MCFD2: variants seen among roughly 807,000 people sequenced by gnomAD.
MCFD2 encodes multiple coagulation factor deficiency 2, ER cargo receptor complex subunit, also known as multiple coagulation factor deficiency protein 2.
In MCFD2, 11 loss-of-function variants were observed where a neutral mutation model predicts 12.8. That is an observed-to-expected ratio of 0.86 (90% CI 0.54 to 1.42). The LOEUF is 1.42. Ranked by LOEUF, MCFD2 falls within the 40% of genes most tolerant of loss-of-function variation. The pLI is 0.00. For missense variants in MCFD2, 191 were observed against 178.6 expected, an observed-to-expected ratio of 1.07 and a Z score of -0.40; for synonymous variants, 70 against 68.1, an observed-to-expected ratio of 1.03 and a Z score of -0.14.
At chr2:46,935,841 G>C (rs1669949260) in intron 1 of MCFD2, among the ~76,000 whole-genome samples, 1 of 152,046 alleles carries the variant, frequency 6.6e-6, no homozygotes, top group African/African-American at 2.4e-5. Context: ...TATAATCCTA[G>C]AGACTAGGGA....
intron 1 of MCFD2, among the ~76,000 whole-genome samples, chr2:46,927,298 A>G (rs1669436411): frequency 6.6e-6 from 1 of 152,144 alleles, no homozygotes; most frequent in Admixed American, 6.6e-5. Flanking sequence ...AAGCACATTA[A>G]AATAAGTCTG....
Position 46,905,200 on chromosome 2 carries a change from G to T in MCFD2, c.*263C>A. 2.1e-6 allele frequency: 1 copy of T among 468,630 alleles called. No homozygotes were observed. Among genetic ancestry groups the T allele is most frequent in the East Asian group, 4.5e-5 (1 of 22,386 alleles). The allele number at this position is 468,630 out of a possible 1,614,324, so 29.0% of individuals were successfully genotyped here. ...AGTCTCGGGTACGTCTTTATCAGCA[G>T]CATTAATACAGACTAATACAGATGC... On this transcript the variant is annotated 3_prime_UTR_variant, in exon 4 of 4. Coordinates refer to ENST00000319466, the MANE Select transcript of MCFD2 (RefSeq NM_139279.6).
At chr2:46,931,658 C>G (rs145238942) in intron 1 of MCFD2, among the ~76,000 whole-genome samples, 1 of 151,374 alleles carries the variant, frequency 6.6e-6, no homozygotes, top group Non-Finnish European at 1.5e-5. Context: ...TAGAGGCCAG[C>G]TGGTTCTTTG....
At chr2:46,927,234 G>T (rs1669432713) in intron 1 of MCFD2, among the ~76,000 whole-genome samples, 1 of 151,186 alleles carries the variant, frequency 6.6e-6, no homozygotes, top group Non-Finnish European at 1.5e-5. Flanking sequence ...TACAAGATCA[G>T]GATCAAAAAG....
In MCFD2 at chr2:46,940,180, C is replaced by T. The variant is rs1485100724; in HGVS notation, c.-8+1392G>A. On this transcript the variant is annotated intron_variant, in intron 1 of 2. Transcript: ENST00000409147. This position sits in a 1 kb window ranked among gnomAD's most constrained non-coding sequence, Gnocchi z 4.7. The stretch of plus-strand genomic sequence containing the variant: ...TGACATAAAAACCTTCCCTCGGTTA[C>T]AGTTGTCCAAAAACACTTAGGGCAG... Among the ~76,000 whole-genome samples, 4 of 152,096 alleles carry T rather than the reference C, an allele frequency of 2.6e-5. No homozygotes were observed. The highest frequency in any genetic ancestry group is 5.9e-5 in the Non-Finnish European group (4 of 68,026).
chr2:46,911,786 C>T (rs1232982069), intron 1 of MCFD2, among the ~76,000 whole-genome samples: 2 of 151,980 alleles, frequency 1.3e-5, no homozygotes, highest in Non-Finnish European at 2.9e-5. Flanking sequence ...ATTAGCCAGG[C>T]GTGGTGGCGG....
chr2:46,927,262 A>G (rs540005413), intron 1 of MCFD2, among the ~76,000 whole-genome samples: 29 of 152,294 alleles, frequency 1.9e-4, no homozygotes, highest in Non-Finnish European at 7.3e-5. Context: ...AATCCCAAGC[A>G]AAGTTAATGA....
At chr2:46,927,691 C>T (rs946668354) in intron 1 of MCFD2, among the ~76,000 whole-genome samples, 6 of 151,872 alleles carry the variant, frequency 4.0e-5, no homozygotes, top group African/African-American at 9.7e-5. Flanking sequence ...GAGCAACAGA[C>T]GGCTGACTTC....
intron 1 of MCFD2, among the ~76,000 whole-genome samples, chr2:46,928,262 C>T (rs1479422022): frequency 6.6e-6 from 1 of 151,736 alleles, no homozygotes; most frequent in Admixed American, 6.6e-5. Context: ...ACCCATTTAT[C>T]ATCTCACAGT....
chr2:46,908,256 C>A lies in MCFD2; in HGVS notation c.150-287G>T. The A allele has an allele frequency of 4.5e-6, 2 of 447,598 alleles. No homozygotes were observed. The highest frequency in any genetic ancestry group is 4.1e-6 in the Non-Finnish European group (1 of 245,050). 27.7% of individuals were successfully genotyped at this position (447,598 alleles called of 1,614,324 possible). ...CAGGCCATCAATTTAAAAATATGTC[C>A]TTTAAAACTTTTTTTTTTTTTTGAG... On this transcript the variant is annotated intron_variant, in intron 2 of 3. Transcript: ENST00000319466. The surrounding 1 kb of genome is among the most constrained non-coding windows in gnomAD (Gnocchi z 4.5).
intron 1 of MCFD2, among the ~76,000 whole-genome samples, chr2:46,933,111 C>A (rs1374386686): frequency 5.3e-5 from 8 of 152,152 alleles, no homozygotes; most frequent in Admixed American, 3.9e-4. Flanking sequence ...AGAACCAGCA[C>A]TGGGCAAGAT....
chr2:46,909,141 A>AGGG lies in MCFD2; in HGVS notation c.28_30dup (p.Pro10dup). ...AAGGCCCAGAGCAGGCCACACAGGA[A>AGGG]GGGGGTTCTGAGCAGGGATCTCATG... On this transcript the variant is annotated inframe_insertion, in exon 2 of 4. Transcript: ENST00000319466. 1 of 1,614,172 alleles carries AGGG rather than the reference A, an allele frequency of 6.2e-7. No individual in the cohort carries two copies. The highest frequency in any genetic ancestry group is 8.5e-7 in the Non-Finnish European group (1 of 1,180,006).
intron 1 of MCFD2, chr2:46,913,762 G>A (rs1668578663): frequency 6.6e-6 from 1 of 152,636 alleles, no homozygotes; most frequent in East Asian, 1.9e-4. Context: ...ACCATCAGGA[G>A]CAGTGCGCCT....
chr2:46,938,549 AT>A (rs1381198541), intron 1 of MCFD2, among the ~76,000 whole-genome samples: 2 of 152,106 alleles, frequency 1.3e-5, no homozygotes, highest in African/African-American at 2.4e-5. Flanking sequence ...TCTCCTGAGG[AT>A]TTTTTTCCTT....
At chr2:46,926,261 T>C (rs188329783) in intron 1 of MCFD2, among the ~76,000 whole-genome samples, 3 of 152,336 alleles carry the variant, frequency 2.0e-5, no homozygotes, top group African/African-American at 7.2e-5. Flanking sequence ...TTAGTTAATT[T>C]TGGTTTAGTT....
chr2:46,910,972 C>A (rs977674679), intron 1 of MCFD2: 7 of 152,144 alleles, frequency 4.6e-5, no homozygotes, highest in African/African-American at 1.7e-4. Flanking sequence ...CCCAGGAGTT[C>A]AAGGCTGAAG....
intron 1 of MCFD2, among the ~76,000 whole-genome samples, chr2:46,931,802 C>G (rs1390740591): frequency 6.6e-6 from 1 of 152,126 alleles, no homozygotes; most frequent in African/African-American, 2.4e-5. Flanking sequence ...TGATTTAGTT[C>G]ATAAGACCTA....
chr2:46,917,472 A>G (rs928568500), upstream of MCFD2, among the ~76,000 whole-genome samples: 2 of 152,190 alleles, frequency 1.3e-5, no homozygotes, highest in African/African-American at 4.8e-5. Flanking sequence ...ATTCAATAAC[A>G]TTTCTTGAAT....
At chr2:46,917,188 G>GA, upstream of MCFD2, 1 of 700,640 alleles carries the variant, frequency 1.4e-6, no homozygotes, top group Non-Finnish European at 2.6e-6. Flanking sequence ...TTAAAGAAAA[G>GA]AGTCTCCATG....
Sources: allele counts gnomAD v4.1 joint callset (sites outside exome capture counted in the v4.1 genomes callset), GRCh38; gene constraint gnomAD v4.1.1; non-coding constraint Gnocchi (gnomAD v3.1); transcripts MANE v1.5; gene names NCBI Gene and HGNC (gene_info 2026-07-23, HGNC 2026-07-21).